Variants in SLCO5A1 observed in about 807,000 individuals in gnomAD.
The protein encoded by SLCO5A1 is organic anion transporter polypeptide-related protein 4.
A neutral mutation model predicts 65.1 loss-of-function variants in SLCO5A1; 39 were observed. The observed-to-expected ratio is 0.60, with a 90% confidence interval of 0.46 to 0.78. SLCO5A1 has a LOEUF of 0.78. Among genes scored for constraint, SLCO5A1 ranks in the 30% least tolerant of loss-of-function variants. The probability of loss-of-function intolerance (pLI) is 0.00; values close to 1 mark genes in which losing one functional copy is unlikely to be tolerated. For missense variants in SLCO5A1, 1,029 were observed against 1,069.4 expected, an observed-to-expected ratio of 0.96 and a Z score of 0.53; for synonymous variants, 438 against 415.7, an observed-to-expected ratio of 1.05 and a Z score of -0.65.
chr8:69,707,998 G>A (rs566571019), intron 5 of SLCO5A1, among the ~76,000 whole-genome samples: 143 of 152,256 alleles, frequency 9.4e-4, no homozygotes, highest in African/African-American at 3.1e-3. Context: ...GCCAGGAGAT[G>A]AATTCATGGC....
chr8:69,831,773 A>G lies in SLCO5A1; in HGVS notation c.901T>C (p.Tyr301His), dbSNP rs1344846266. 1 of 1,613,722 alleles carries G rather than the reference A, an allele frequency of 6.2e-7. No homozygotes were observed. The highest frequency in any genetic ancestry group is 8.5e-7 in the Non-Finnish European group (1 of 1,179,954). The change falls in exon 2 of 10, where the codon TAC becomes CAC. Residue 301 changes from tyrosine to histidine, a missense_variant. By Grantham distance (83) the Tyr-to-His change is moderately conservative. Coordinates refer to ENST00000260126, the MANE Select transcript of SLCO5A1 (RefSeq NM_030958.3). Reference sequence around the variant, plus strand: ...GAGAACAGGAAAGTCTTACCTAGGTACAAGGAGGAGTTTTCTTTCTTGACA... The same window carrying G: ...GAGAACAGGAAAGTCTTACCTAGGTGCAAGGAGGAGTTTTCTTTCTTGACA... ...DNVKKENSSL[Y>H]LAIMYVMGAL...
chr8:69,687,151 A>G (rs1179161501), intron 6 of SLCO5A1, among the ~76,000 whole-genome samples: 1 of 152,216 alleles, frequency 6.6e-6, no homozygotes, highest in African/African-American at 2.4e-5. Flanking sequence ...AAAGGATAAA[A>G]TAGCTTTTAA....
At chr8:69,722,776 G>GGTGTGTGTGTGTGTGTGTGTGGGTGT (rs1554612692) in intron 5 of SLCO5A1, among the ~76,000 whole-genome samples, 1 of 148,036 alleles carries the variant, frequency 6.8e-6, no homozygotes, top group African/African-American at 2.5e-5. Context: ...ACACATGCAT[G>GGTGTGTGTGTGTGTGTGTGTGGGTGT]GTGTGTGTGT....
intron 2 of SLCO5A1, among the ~76,000 whole-genome samples, chr8:69,804,357 AG>A (rs1819895297): frequency 6.6e-6 from 1 of 152,182 alleles, no homozygotes; most frequent in Non-Finnish European, 1.5e-5. Flanking sequence ...TCTGTCACCC[AG>A]GCTGTAGTAC....
At chr8:69,801,590 G>A (rs1345400115) in intron 2 of SLCO5A1, among the ~76,000 whole-genome samples, 2 of 152,050 alleles carry the variant, frequency 1.3e-5, no homozygotes, top group South Asian at 4.1e-4. Flanking sequence ...ATGATTTAGA[G>A]TTTTACATTC....
At chr8:69,738,480 G>A (rs2130843801) in intron 4 of SLCO5A1, among the ~76,000 whole-genome samples, 1 of 151,864 alleles carries the variant, frequency 6.6e-6, no homozygotes, top group Non-Finnish European at 1.5e-5. Context: ...GTACCCAACT[G>A]ATAGTTCCTG....
At chr8:69,809,733 G>GGT (rs111791623) in intron 2 of SLCO5A1, among the ~76,000 whole-genome samples, 2,727 of 149,234 alleles carry the variant, frequency 0.018, 56 homozygotes, top group African/African-American at 0.053. Context: ...TAAGGAGTGT[G>GGT]GTGTGTGTGT....
At chr8:69,764,996 C>T (rs2130867445) in intron 2 of SLCO5A1, among the ~76,000 whole-genome samples, 1 of 152,192 alleles carries the variant, frequency 6.6e-6, no homozygotes, top group African/African-American at 2.4e-5. Flanking sequence ...ATAGCATTCA[C>T]CAAAAAAACC....
intron 5 of SLCO5A1, among the ~76,000 whole-genome samples, chr8:69,721,829 C>T (rs973671846): frequency 3.3e-5 from 5 of 152,084 alleles, no homozygotes; most frequent in African/African-American, 1.2e-4. Flanking sequence ...TTATTGTCTT[C>T]GATCCTGAGG....
chr8:69,737,934 T>C (rs543408447), intron 5 of SLCO5A1, 106 bp downstream of exon 5: 1 of 1,189,520 alleles, frequency 8.4e-7, no homozygotes, highest in African/African-American at 1.5e-5. Flanking sequence ...TAGCTGTTAA[T>C]GAACTAGCTT....
chr8:69,671,336 G>C lies in SLCO5A1; in HGVS notation c.*1533C>G, dbSNP rs1261741160. The C allele has an allele frequency of 6.6e-6, 1 of 152,218 alleles. No individual in the cohort carries two copies. Among genetic ancestry groups the C allele is most frequent in the African/African-American group, 2.4e-5 (1 of 41,432 alleles). The allele number at this position is 152,218 out of a possible 1,614,324, so 9.4% of individuals were successfully genotyped here. A position where few individuals can be genotyped will look rare whatever the true frequency, so the allele number is the denominator to read the frequency against. On this transcript the variant is annotated 3_prime_UTR_variant, in exon 10 of 10. Transcript: ENST00000260126. ...GTCTGTCAATCACATCTCTTCTGGG[G>C]ATAAGGGTAAACCAGAAGAGAAAAA...
chr8:69,698,179 A>T (rs1009402800), intron 6 of SLCO5A1, among the ~76,000 whole-genome samples: 9 of 152,180 alleles, frequency 5.9e-5, no homozygotes, highest in African/African-American at 2.2e-4. Context: ...CTGCAAAGGG[A>T]ACGGTCTCAT....
At chr8:69,725,272 C>T (rs1816008734) in intron 5 of SLCO5A1, among the ~76,000 whole-genome samples, 1 of 152,068 alleles carries the variant, frequency 6.6e-6, no homozygotes, top group Non-Finnish European at 1.5e-5. Context: ...CAGTACAGAG[C>T]AGGTAGGGAT....
At chr8:69,785,416 T>C (rs1197083600) in intron 2 of SLCO5A1, among the ~76,000 whole-genome samples, 1 of 152,200 alleles carries the variant, frequency 6.6e-6, no homozygotes, top group Non-Finnish European at 1.5e-5. Flanking sequence ...AAAAATATAA[T>C]TATTGACATA....
chr8:69,754,369 TCTAA>T (rs1254492311), intron 4 of SLCO5A1, among the ~76,000 whole-genome samples: 4 of 152,192 alleles, frequency 2.6e-5, no homozygotes, highest in Non-Finnish European at 5.9e-5. Context: ...AATGGTCCAA[TCTAA>T]CTATTATTGT....
Position 69,832,894 on chromosome 8 carries a change from G to A in SLCO5A1, c.-221C>T, listed in dbSNP as rs2130932501. On this transcript the variant is annotated 5_prime_UTR_variant, in exon 2 of 10. Transcript: ENST00000260126. This position sits in a 1 kb window ranked among gnomAD's most constrained non-coding sequence, Gnocchi z 4.5. ...CAAGGCTCCGCAGCCGCGTGCCACAGGGGGCAGGGGTCCGCGCGGTACTGC... is the reference window on the plus strand; with the variant it reads ...CAAGGCTCCGCAGCCGCGTGCCACAAGGGGCAGGGGTCCGCGCGGTACTGC... The A allele has an allele frequency of 1.7e-6, 1 of 593,260 alleles. No homozygotes were observed. Among genetic ancestry groups the A allele is most frequent in the East Asian group, 2.9e-5 (1 of 33,908 alleles). 36.7% of individuals were successfully genotyped at this position (593,260 alleles called of 1,614,324 possible). A position where few individuals can be genotyped will look rare whatever the true frequency, so the allele number is the denominator to read the frequency against.
At chr8:69,788,068 C>T (rs765991107) in intron 2 of SLCO5A1, among the ~76,000 whole-genome samples, 3 of 152,054 alleles carry the variant, frequency 2.0e-5, no homozygotes, top group Non-Finnish European at 2.9e-5. Flanking sequence ...CATTAGAGTC[C>T]TACATAACAA....
chr8:69,760,400 CAATT>C (rs1817716953), intron 3 of SLCO5A1, among the ~76,000 whole-genome samples: 1 of 152,106 alleles, frequency 6.6e-6, no homozygotes, highest in Admixed American at 6.5e-5. Context: ...GTGTGTATAA[CAATT>C]AATATCTGTT....
intron 2 of SLCO5A1, among the ~76,000 whole-genome samples, chr8:69,791,395 G>A (rs1273418838): frequency 3.3e-5 from 5 of 152,200 alleles, no homozygotes; most frequent in Non-Finnish European, 7.3e-5. Context: ...GTAAATCCAA[G>A]ACATGGATGT....
Sources: allele counts gnomAD v4.1 joint callset (sites outside exome capture counted in the v4.1 genomes callset), GRCh38; gene constraint gnomAD v4.1.1; non-coding constraint Gnocchi (gnomAD v3.1); transcripts MANE v1.5; gene names NCBI Gene and HGNC (gene_info 2026-07-23, HGNC 2026-07-21).